Variants in SGCD observed in about 807,000 individuals in gnomAD.
SGCD encodes delta-sarcoglycan.
Under a neutral mutation model 36.6 loss-of-function variants are expected in SGCD, and 18 were observed. The observed-to-expected ratio is 0.49, with a 90% confidence interval of 0.34 to 0.73. The LOEUF is 0.73. Among genes scored for constraint, SGCD ranks in the 30% least tolerant of loss-of-function variants. SGCD has a pLI of 0.01. For missense variants in SGCD, 387 were observed against 346.7 expected (o/e 1.12, Z -0.92); for synonymous variants, 133 against 130.6 (o/e 1.02, Z -0.12).
intron 4 of SGCD, among the ~76,000 whole-genome samples, 188 bp from the exon 5 acceptor site, chr5:156,589,043 C>G (rs1159476924): frequency 7.0e-6 from 1 of 142,440 alleles, no homozygotes; most frequent in African/African-American, 2.8e-5. Context: ...TGGAAGAAAT[C>G]TGTTTTAGAT....
At chr5:156,210,867 G>C (rs1316496946) in intron 3 of SGCD, among the ~76,000 whole-genome samples, 2 of 152,080 alleles carry the variant, frequency 1.3e-5, no homozygotes, top group Admixed American at 6.5e-5. Flanking sequence ...AGAAGTAAAA[G>C]AGAGAGAAAA....
chr5:156,071,208 C>T (rs200699889), intron 1 of SGCD, among the ~76,000 whole-genome samples: 17 of 151,720 alleles, frequency 1.1e-4, no homozygotes, highest in Admixed American at 4.6e-4. Flanking sequence ...TTCTAGTTCT[C>T]TTAATTGTGA....
intron 3 of SGCD, among the ~76,000 whole-genome samples, chr5:156,492,880 A>G (rs1225178827): frequency 6.6e-6 from 1 of 152,126 alleles, no homozygotes; most frequent in Admixed American, 6.5e-5. Flanking sequence ...GTGTCCCTGG[A>G]AAGGACATGA....
intron 1 of SGCD, among the ~76,000 whole-genome samples, chr5:155,963,764 T>C (rs1055278623): frequency 2.6e-5 from 4 of 152,092 alleles, no homozygotes; most frequent in African/African-American, 7.2e-5. Context: ...TCATGATGCA[T>C]TCAGTAGGGA....
intron 1 of SGCD, among the ~76,000 whole-genome samples, chr5:156,106,424 C>T (rs1044456484): frequency 1.1e-4 from 16 of 152,130 alleles, no homozygotes; most frequent in Admixed American, 9.2e-4. Flanking sequence ...TTGTTTCTCC[C>T]TGAGATGTGA....
intron 3 of SGCD, among the ~76,000 whole-genome samples, chr5:156,267,612 A>G (rs1260612102): frequency 6.6e-6 from 1 of 152,156 alleles, no homozygotes; most frequent in African/African-American, 2.4e-5. Flanking sequence ...TGCCTTCTTC[A>G]CTTTTCCTTT....
intron 1 of SGCD, among the ~76,000 whole-genome samples, chr5:156,108,745 A>C (rs904510342): frequency 6.6e-6 from 1 of 152,132 alleles, no homozygotes. Flanking sequence ...TACAATGATC[A>C]GTAGAAACTC....
At chr5:156,551,702 A>G (rs1758805938) in intron 4 of SGCD, among the ~76,000 whole-genome samples, 1 of 152,166 alleles carries the variant, frequency 6.6e-6, no homozygotes, top group Non-Finnish European at 1.5e-5. Flanking sequence ...ATGTTAGCTA[A>G]ACCTGGTTAA....
Position 156,461,171 on chromosome 5 carries a change from T to C in SGCD, c.193-47430T>C, listed in dbSNP as rs189510837. On this transcript the variant is annotated intron_variant, in intron 3 of 8. Transcript: ENST00000337851. ...CATTTCTTACAGCAACTCTTCCCCT[T>C]TGTAATGTCAATTCTAAAAAGCATG... Among the ~76,000 whole-genome samples the C allele has an allele frequency of 1.4e-3, 207 of 152,294 alleles. 1 individual carries two copies. Among genetic ancestry groups the C allele is most frequent in the Non-Finnish European group, 1.9e-3 (127 of 68,004 alleles).
At chr5:156,545,909 T>C (rs527746141) in intron 4 of SGCD, among the ~76,000 whole-genome samples, 3 of 152,332 alleles carry the variant, frequency 2.0e-5, no homozygotes, top group African/African-American at 7.2e-5. Flanking sequence ...AAAATCTGGC[T>C]TTAGCTCCAA....
intron 7 of SGCD, among the ~76,000 whole-genome samples, chr5:156,739,362 G>C (rs1052025353): frequency 6.6e-6 from 1 of 152,142 alleles, no homozygotes; most frequent in Non-Finnish European, 1.5e-5. Flanking sequence ...TTGATGCTGG[G>C]CATAAACCAA....
intron 1 of SGCD, among the ~76,000 whole-genome samples, chr5:156,052,374 G>A (rs529282690): frequency 6.8e-6 from 1 of 146,348 alleles, no homozygotes; most frequent in South Asian, 2.2e-4. Flanking sequence ...GCAGGGTTTG[G>A]TTCACACAAG....
chr5:156,224,659 T>A (rs748559984), intron 3 of SGCD, among the ~76,000 whole-genome samples: 1 of 152,112 alleles, frequency 6.6e-6, no homozygotes, highest in Non-Finnish European at 1.5e-5. Flanking sequence ...TGTTATCAAG[T>A]TTTAAAAAGA....
At chr5:156,021,287 T>G (rs1759090798) in intron 1 of SGCD, among the ~76,000 whole-genome samples, 1 of 152,208 alleles carries the variant, frequency 6.6e-6, no homozygotes, top group Non-Finnish European at 1.5e-5. Context: ...GTATTGAGCA[T>G]GTATTGTATG....
intron 4 of SGCD, among the ~76,000 whole-genome samples, chr5:156,556,461 A>G (rs762096017): frequency 3.9e-5 from 6 of 152,068 alleles, no homozygotes; most frequent in East Asian, 1.9e-4. Flanking sequence ...TCCTTTGTTT[A>G]CAACAGATCT....
intron 1 of SGCD, among the ~76,000 whole-genome samples, chr5:156,012,365 T>G (rs919460606): frequency 3.9e-5 from 6 of 152,178 alleles, no homozygotes; most frequent in African/African-American, 1.4e-4. Flanking sequence ...AAGGCTATGT[T>G]TGAAAATTTA....
intron 3 of SGCD, among the ~76,000 whole-genome samples, chr5:156,373,125 TTAGAG>T (rs1770478499): frequency 6.6e-6 from 1 of 152,208 alleles, no homozygotes; most frequent in Non-Finnish European, 1.5e-5. Flanking sequence ...TGTCCAGACA[TTAGAG>T]TAGGTTTCAT....
At chr5:156,614,165 G>A (rs1461018214) in intron 6 of SGCD, among the ~76,000 whole-genome samples, 1 of 152,110 alleles carries the variant, frequency 6.6e-6, no homozygotes, top group Non-Finnish European at 1.5e-5. Context: ...GGCTGGTCTG[G>A]AACTCCTGGC....
upstream of SGCD, among the ~76,000 whole-genome samples, chr5:156,322,762 A>C (rs941996608): frequency 6.6e-6 from 1 of 152,212 alleles, no homozygotes; most frequent in Non-Finnish European, 1.5e-5. Flanking sequence ...GGATTAGAAG[A>C]ATGAGGGAGT....
Sources: allele counts gnomAD v4.1 joint callset (sites outside exome capture counted in the v4.1 genomes callset), GRCh38; gene constraint gnomAD v4.1.1; transcripts MANE v1.5; gene names NCBI Gene and HGNC (gene_info 2026-07-23, HGNC 2026-07-21).